NCALD: variants seen among roughly 807,000 people sequenced by gnomAD.
NCALD encodes the protein neurocalcin-delta.
Under a neutral mutation model 18.6 loss-of-function variants are expected in NCALD, and 10 were observed. The ratio of observed to expected loss-of-function variants is 0.54; its 90% CI spans 0.33 to 0.91. NCALD has a LOEUF of 0.91. Among genes scored for constraint, NCALD ranks in the 40% least tolerant of loss-of-function variants. The pLI is 0.03. For missense variants in NCALD, 184 were observed against 247.6 expected (o/e 0.74, Z 1.72); for synonymous variants, 88 against 87.4 (o/e 1.01, Z -0.04).
At chr8:101,696,568 A>G (rs1014664676) in intron 2 of NCALD, among the ~76,000 whole-genome samples, 2 of 152,182 alleles carry the variant, frequency 1.3e-5, no homozygotes, top group Admixed American at 6.5e-5. Context: ...TCAGTACACA[A>G]TGTGGCTCTA....
intron 1 of NCALD, among the ~76,000 whole-genome samples, chr8:101,757,179 A>C (rs939140205): frequency 1.3e-5 from 2 of 152,170 alleles, no homozygotes; most frequent in African/African-American, 4.8e-5. Context: ...TCCTGTCCTC[A>C]ACCTCTCATC....
At position 101,689,460 on chromosome 8, in the gene NCALD, C is replaced by T. The variant is rs572332076; in HGVS notation, c.485-54G>A. The T allele has an allele frequency of 2.8e-4, 382 of 1,365,056 alleles. 4 individuals carry two copies. The Middle Eastern group carries it at 2.9e-3, about 10-fold the overall frequency. 84.6% of individuals were successfully genotyped at this position (1,365,056 alleles called of 1,614,324 possible). A position where few individuals can be genotyped will look rare whatever the true frequency, so the allele number is the denominator to read the frequency against. On this transcript the variant is annotated intron_variant, in intron 3 of 3. Coordinates refer to ENST00000220931, the MANE Select transcript of NCALD (RefSeq NM_032041.3). The surrounding 1 kb of genome is among the most constrained non-coding windows in gnomAD (Gnocchi z 4.4). ...GGCTGGTGGCAGCTGCATGAGCTTA[C>T]ACCCTTCCCACTACTGCGTGCTGGG...
At chr8:101,744,490 G>A (rs1163227514) in intron 1 of NCALD, among the ~76,000 whole-genome samples, 4 of 152,218 alleles carry the variant, frequency 2.6e-5, no homozygotes, top group African/African-American at 7.2e-5. Context: ...AGCAAGACAC[G>A]TAGTGCTGGC....
chr8:101,864,584 C>T (rs1031137540), intron 4 of NCALD, among the ~76,000 whole-genome samples: 33 of 145,492 alleles, frequency 2.3e-4, no homozygotes, highest in Non-Finnish European at 3.6e-4. Flanking sequence ...TTCCAATTTT[C>T]TTTCCTTTCT....
chr8:101,907,747 A>G (rs1326926334), intron 3 of NCALD, among the ~76,000 whole-genome samples: 2 of 152,172 alleles, frequency 1.3e-5, no homozygotes, highest in African/African-American at 4.8e-5. Flanking sequence ...ACTACATTTC[A>G]TGCTTCTCCA....
chr8:101,879,124 G>A (rs1219065985), intron 4 of NCALD, among the ~76,000 whole-genome samples: 1 of 152,202 alleles, frequency 6.6e-6, no homozygotes, highest in East Asian at 1.9e-4. Flanking sequence ...AGAATGGTTT[G>A]GAGACTGCCA....
At chr8:102,121,574 T>A (rs576301364) in intron 1 of NCALD, among the ~76,000 whole-genome samples, 1 of 152,350 alleles carries the variant, frequency 6.6e-6, no homozygotes, top group Admixed American at 6.5e-5. Context: ...ATGTGTGTTA[T>A]AAACTTCACC....
intron 1 of NCALD, among the ~76,000 whole-genome samples, chr8:102,072,413 G>A (rs188344105): frequency 3.0e-3 from 459 of 152,194 alleles, no homozygotes; most frequent in African/African-American, 0.01. Context: ...TTTGTCAAGA[G>A]AAATATATCA....
At chr8:101,976,630 C>G (rs1820433307) in intron 2 of NCALD, among the ~76,000 whole-genome samples, 1 of 152,040 alleles carries the variant, frequency 6.6e-6, no homozygotes, top group Non-Finnish European at 1.5e-5. Flanking sequence ...TTATGGTTTG[C>G]CAAGTATTTT....
intron 3 of NCALD, chr8:101,691,531 C>T (rs908621776): frequency 5.4e-5 from 53 of 985,260 alleles, no homozygotes; most frequent in Non-Finnish European, 6.0e-5. Flanking sequence ...GAGCACAGCA[C>T]AAACCCATTG....
At chr8:101,839,530 C>T (rs1047405516) in intron 4 of NCALD, among the ~76,000 whole-genome samples, 1 of 152,050 alleles carries the variant, frequency 6.6e-6, no homozygotes, top group African/African-American at 2.4e-5. Flanking sequence ...ACACTCCCTG[C>T]CAGAACCAAA....
chr8:101,774,676 C>T (rs554443970), intron 1 of NCALD, among the ~76,000 whole-genome samples: 10 of 152,242 alleles, frequency 6.6e-5, no homozygotes, highest in South Asian at 2.1e-4. Flanking sequence ...TGAGTCATGG[C>T]GGAGGCAATA....
At chr8:102,081,546 A>T (rs766636015) in intron 1 of NCALD, among the ~76,000 whole-genome samples, 8,330 of 29,166 alleles carry the variant, frequency 0.29, 414 homozygotes, top group South Asian at 0.41. Context: ...AAATAATGGT[A>T]AAAAAAAAAA....
At chr8:101,951,950 T>A (rs1819440841) in intron 2 of NCALD, among the ~76,000 whole-genome samples, 1 of 152,248 alleles carries the variant, frequency 6.6e-6, no homozygotes, top group South Asian at 2.1e-4. Context: ...ATGCCTGGAC[T>A]AAGCGAGAGA....
At chr8:101,781,210 A>T (rs1023869581) in intron 1 of NCALD, among the ~76,000 whole-genome samples, 1 of 151,942 alleles carries the variant, frequency 6.6e-6, no homozygotes, top group Non-Finnish European at 1.5e-5. Flanking sequence ...TGAGAGAGAG[A>T]ATGGTTTGCT....
chr8:101,843,446 GCACACA>G (rs148295172), intron 4 of NCALD, among the ~76,000 whole-genome samples: 14 of 149,720 alleles, frequency 9.4e-5, no homozygotes, highest in South Asian at 4.2e-4. Context: ...ACATGTGCAT[GCACACA>G]CACACACACA....
intron 2 of NCALD, among the ~76,000 whole-genome samples, chr8:102,013,073 C>T (rs752227218): frequency 6.6e-6 from 1 of 152,168 alleles, no homozygotes; most frequent in Non-Finnish European, 1.5e-5. Flanking sequence ...CTCAACATTC[C>T]TACTACCTAG....
At chr8:102,008,002 C>G (rs1821770555) in intron 2 of NCALD, among the ~76,000 whole-genome samples, 1 of 152,326 alleles carries the variant, frequency 6.6e-6, no homozygotes, top group Admixed American at 6.5e-5. Flanking sequence ...TAAGCTTCCC[C>G]CTCTATACCC....
intron 2 of NCALD, among the ~76,000 whole-genome samples, chr8:101,916,505 T>C (rs1239025401): frequency 1.3e-5 from 2 of 152,054 alleles, no homozygotes; most frequent in Non-Finnish European, 1.5e-5. Context: ...TATGATAGGA[T>C]CAAAACCTTA....
Sources: gnomAD v4.1 joint callset for allele counts (sites outside exome capture counted in the v4.1 genomes callset) on GRCh38, gnomAD v4.1.1 for gene constraint, Gnocchi (gnomAD v3.1) non-coding constraint, MANE v1.5 for transcripts, NCBI Gene and HGNC (gene_info 2026-07-23, HGNC 2026-07-21) for gene names.